Variants in GRB10 observed in about 807,000 individuals in gnomAD.
GRB10 encodes the protein growth factor receptor-bound protein 10.
A neutral mutation model predicts 80.9 loss-of-function variants in GRB10; 20 were observed. The ratio of observed to expected loss-of-function variants is 0.25; its 90% CI spans 0.17 to 0.36. GRB10 has a LOEUF of 0.36. Ranked by LOEUF, GRB10 falls within the 10% of genes least tolerant of loss-of-function variation. GRB10 has a pLI of 1.00. For missense variants in GRB10, 548 were observed against 747.7 expected, an observed-to-expected ratio of 0.73 and a Z score of 3.12; for synonymous variants, 291 against 291.5, an observed-to-expected ratio of 1.00 and a Z score of 0.02.
chr7:50,698,289 C>A (rs992609023), intron 5 of GRB10, among the ~76,000 whole-genome samples: 2 of 152,140 alleles, frequency 1.3e-5, no homozygotes, highest in Non-Finnish European at 2.9e-5. Context: ...TGTTAAATAT[C>A]ATCTGTAACG....
At chr7:50,713,626 ACCATCACCTCCACCTCCC>A (rs2066290894) in intron 4 of GRB10, among the ~76,000 whole-genome samples, 2 of 110,426 alleles carry the variant, frequency 1.8e-5, no homozygotes, top group Non-Finnish European at 1.9e-5. Flanking sequence ...CACCTCCTCC[ACCATCACCTCCACCTCCC>A]CCATCACCTC....
At chr7:50,790,840 G>A (rs1160606470) in intron 1 of GRB10, among the ~76,000 whole-genome samples, 2 of 152,200 alleles carry the variant, frequency 1.3e-5, no homozygotes. Context: ...CTGTGTTCAA[G>A]CTGGAGTTTG....
Position 50,604,321 on chromosome 7 carries a change from G to A in GRB10, c.1446C>T (p.Thr482=), listed in dbSNP as rs1435671832. 1.2e-6 allele frequency: 2 copies of A among 1,613,010 alleles called. No individual in the cohort carries two copies. The highest frequency in any genetic ancestry group is 2.2e-5 in the South Asian group (2 of 91,048). The part of the protein sequence containing the change: ...LGSQSPLHPS[T]LSTVIHRTQH... Reference sequence around the variant, plus strand: ...ATGTGCCCTGTTTACCTGTACTTAGGGTAGAAGGGTGGAGGGGACTTTGGC... The same window carrying A: ...ATGTGCCCTGTTTACCTGTACTTAGAGTAGAAGGGTGGAGGGGACTTTGGC... Residue 482 remains threonine, a synonymous_variant, in exon 16 of 19, where the codon ACC becomes ACT. Coordinates refer to ENST00000401949, the MANE Select transcript of GRB10 (RefSeq NM_001350814.2).
At chr7:50,708,147 A>G (rs2065296056) in intron 4 of GRB10, among the ~76,000 whole-genome samples, 1 of 152,274 alleles carries the variant, frequency 6.6e-6, no homozygotes, top group Non-Finnish European at 1.5e-5. Flanking sequence ...TGGAGATACT[A>G]TATTTTATCT....
intron 18 of GRB10, 109 bp downstream of exon 18, chr7:50,595,328 G>C (rs41298761): frequency 0.17 from 128,373 of 748,034 alleles, 12,255 homozygotes; most frequent in Non-Finnish European, 0.2. Context: ...CTGCAGCCTT[G>C]AAACTGTCTG....
chr7:50,710,759 T>C, intron 4 of GRB10: 1 of 1,150,796 alleles, frequency 8.7e-7, no homozygotes, highest in Non-Finnish European at 1.3e-6. Context: ...CACACCTTCC[T>C]GAGGCAGAAC....
chr7:50,740,891 C>T (rs548991822), intron 3 of GRB10, among the ~76,000 whole-genome samples: 5 of 149,866 alleles, frequency 3.3e-5, no homozygotes, highest in African/African-American at 9.7e-5. Context: ...AAGAAAAAGA[C>T]AGAATGGACA....
At chr7:50,644,004 T>C (rs1177666194) in intron 7 of GRB10, among the ~76,000 whole-genome samples, 1 of 152,134 alleles carries the variant, frequency 6.6e-6, no homozygotes, top group African/African-American at 2.4e-5. Context: ...AGCATCTCAG[T>C]AGTATCTTTT....
At chr7:50,722,307 G>A (rs561151703) in intron 4 of GRB10, among the ~76,000 whole-genome samples, 10 of 152,140 alleles carry the variant, frequency 6.6e-5, no homozygotes, top group Non-Finnish European at 1.3e-4. Flanking sequence ...GATCCAAAGC[G>A]GCTTCCTAAG....
intron 7 of GRB10, among the ~76,000 whole-genome samples, chr7:50,667,929 A>G (rs1586636435): frequency 6.6e-6 from 1 of 152,134 alleles, no homozygotes. Context: ...GCCAGATAAT[A>G]TTTTCATGGT....
At chr7:50,706,142 G>A (rs776371491) in intron 4 of GRB10, among the ~76,000 whole-genome samples, 1 of 152,206 alleles carries the variant, frequency 6.6e-6, no homozygotes, top group Non-Finnish European at 1.5e-5. Flanking sequence ...TCATACAACA[G>A]TGGGATAATA....
rs999727022 is a variant in GRB10, at chr7:50,674,443, C to T, written c.355G>A (p.Ala119Thr). 5.0e-6 allele frequency: 8 copies of T among 1,604,322 alleles called. No homozygotes were observed. The highest frequency in any genetic ancestry group is 2.2e-5 in the South Asian group (2 of 91,012). Residue 119 changes from alanine (A) to threonine (T), a missense_variant, in exon 6 of 19, where the codon GCT becomes ACT. Physicochemically the swap from Ala to Thr is moderately conservative, Grantham distance 58. This residue lies in a region of GRB10 where 245 missense variants were observed against 229.3 expected (regional missense o/e 1.07). Coordinates refer to ENST00000401949, the MANE Select transcript of GRB10 (RefSeq NM_001350814.2). ...CATAAGGCCTGGACCTACCTGACAG[C>T]GAGGATGTGCACAGGCTGGGAGCGC... ...VQRSQPVHILAVRRLQEEDQQ... is the reference protein window; with the variant it reads ...VQRSQPVHILTVRRLQEEDQQ...
At chr7:50,708,867 G>A (rs773619849) in intron 4 of GRB10, among the ~76,000 whole-genome samples, 4 of 151,946 alleles carry the variant, frequency 2.6e-5, no homozygotes, top group Non-Finnish European at 4.4e-5. Flanking sequence ...GTAGAGATGC[G>A]GTTTCACTAT....
chr7:50,606,543 G>A (rs988101594), intron 13 of GRB10, 129 bp from the exon 14 acceptor site: 12 of 733,224 alleles, frequency 1.6e-5, no homozygotes, highest in Admixed American at 1.6e-4. Context: ...CAGCCTCCAG[G>A]AGCCTGAGTG....
At chr7:50,671,768 A>G (rs1454567248) in intron 6 of GRB10, among the ~76,000 whole-genome samples, 1 of 152,250 alleles carries the variant, frequency 6.6e-6, no homozygotes, top group Non-Finnish European at 1.5e-5. Context: ...TGTCCACAAA[A>G]GCTTCTCTAT....
chr7:50,684,267 C>CAAAAAAAAAAAAAAAAAA (rs386410128), intron 5 of GRB10, among the ~76,000 whole-genome samples: 3 of 62,300 alleles, frequency 4.8e-5, no homozygotes, highest in African/African-American at 1.4e-4. Flanking sequence ...CAATCATCAC[C>CAAAAAAAAAAAAAAAAAA]AAAAAAAAAA....
Position 50,591,199 on chromosome 7 carries a change from T to C in GRB10, c.*1753A>G, listed in dbSNP as rs1438523325. The C allele has an allele frequency of 6.6e-6, 1 of 152,196 alleles. No individual in the cohort carries two copies. Among genetic ancestry groups the C allele is most frequent in the Non-Finnish European group, 1.5e-5 (1 of 68,024 alleles). 9.4% of individuals were successfully genotyped at this position (152,196 alleles called of 1,614,324 possible). A position where few individuals can be genotyped will look rare whatever the true frequency, so the allele number is the denominator to read the frequency against. ...TTGAGCACTGATGGTTAAAAACATG[T>C]TTTGCTAGAAAATTCTTCATTTGTA... On this transcript the variant is annotated 3_prime_UTR_variant, in exon 19 of 19. Coordinates refer to ENST00000401949, the MANE Select transcript of GRB10 (RefSeq NM_001350814.2).
At chr7:50,759,776 G>C (rs2075548956) in intron 2 of GRB10, among the ~76,000 whole-genome samples, 1 of 152,108 alleles carries the variant, frequency 6.6e-6, no homozygotes, top group East Asian at 1.9e-4. Context: ...CAGCTGCCAG[G>C]GACCCAGTCA....
At chr7:50,713,833 TCCA>T (rs896289736) in intron 4 of GRB10, among the ~76,000 whole-genome samples, 6 of 149,704 alleles carry the variant, frequency 4.0e-5, no homozygotes, top group Admixed American at 3.3e-4. Flanking sequence ...CACCATCACC[TCCA>T]CCTCGTCCAC....
Sources: gnomAD v4.1 joint callset for allele counts (sites outside exome capture counted in the v4.1 genomes callset) on GRCh38, gnomAD v4.1.1 for gene constraint, gnomAD v4.1.1 regional missense constraint, MANE v1.5 for transcripts, NCBI Gene and HGNC (gene_info 2026-07-23, HGNC 2026-07-21) for gene names.